Variants in SFMBT1 observed in about 807,000 individuals in gnomAD.
SFMBT1 encodes the protein Scm like with four mbt domains 1, also known as scm-like with four MBT domains protein 1.
Under a neutral mutation model 108.7 loss-of-function variants are expected in SFMBT1, and 32 were observed. The ratio of observed to expected loss-of-function variants is 0.29; its 90% CI spans 0.22 to 0.40. The LOEUF (loss-of-function observed/expected upper bound fraction) is 0.40, where lower values mean the gene tolerates loss of function less well. Among genes scored for constraint, SFMBT1 ranks in the 10% least tolerant of loss-of-function variants. The pLI is 1.00. For synonymous variants in SFMBT1, 348 were observed against 369.5 expected, an observed-to-expected ratio of 0.94 and a Z score of 0.67; for missense variants, 816 against 1,059.6, an observed-to-expected ratio of 0.77 and a Z score of 3.19.
intron 1 of SFMBT1, among the ~76,000 whole-genome samples, chr3:52,982,149 G>A (rs547350593): frequency 3.3e-5 from 5 of 152,132 alleles, no homozygotes; most frequent in African/African-American, 7.2e-5. Context: ...GAGCTCATAA[G>A]GGCCTTTAAG....
At chr3:53,043,735 T>C (rs979221310) in intron 1 of SFMBT1, among the ~76,000 whole-genome samples, 1 of 152,222 alleles carries the variant, frequency 6.6e-6, no homozygotes, top group Non-Finnish European at 1.5e-5. Flanking sequence ...TTCTAAGAAG[T>C]TCCTCAGGAC....
intron 1 of SFMBT1, among the ~76,000 whole-genome samples, chr3:53,027,412 C>A (rs1018513586): frequency 5.9e-5 from 9 of 152,298 alleles, no homozygotes; most frequent in Admixed American, 5.2e-4. Context: ...GGAACTTACT[C>A]AATTTTGCAT....
intron 1 of SFMBT1, among the ~76,000 whole-genome samples, chr3:53,016,880 C>A (rs1275170227): frequency 2.0e-5 from 3 of 152,146 alleles, no homozygotes; most frequent in African/African-American, 7.2e-5. Flanking sequence ...AAGATCTTCG[C>A]TTATTGTTTT....
chr3:53,014,621 C>G (rs1392200682), intron 1 of SFMBT1, among the ~76,000 whole-genome samples: 2 of 152,232 alleles, frequency 1.3e-5, no homozygotes, highest in African/African-American at 4.8e-5. Context: ...TGGAGACCAA[C>G]AGTAGTACAT....
At chr3:53,004,208 TCCTTCCTCCCTCCCTCCCTC>T (rs1290356684) in intron 1 of SFMBT1, among the ~76,000 whole-genome samples, 1 of 147,444 alleles carries the variant, frequency 6.8e-6, no homozygotes, top group Non-Finnish European at 1.5e-5. Context: ...CTTCTTCCCT[TCCTTCCTCCCTCCCTCCCTC>T]CCTTCCTCCT....
intron 1 of SFMBT1, among the ~76,000 whole-genome samples, chr3:53,000,595 C>T (rs866767572): frequency 6.7e-6 from 1 of 149,404 alleles, no homozygotes; most frequent in Non-Finnish European, 1.5e-5. Context: ...TACATATATA[C>T]ACATATATAA....
chr3:52,964,250 C>G (rs1704057915), intron 2 of SFMBT1, among the ~76,000 whole-genome samples: 1 of 152,210 alleles, frequency 6.6e-6, no homozygotes, highest in Admixed American at 6.5e-5. Context: ...TGGCTCACAC[C>G]TGTAAATCCC....
intron 3 of SFMBT1, among the ~76,000 whole-genome samples, chr3:52,945,338 T>C (rs1373886250): frequency 6.6e-6 from 1 of 151,128 alleles, no homozygotes; most frequent in Non-Finnish European, 1.5e-5. Flanking sequence ...AGCAATAAAA[T>C]AAATAGTGAG....
intron 1 of SFMBT1, among the ~76,000 whole-genome samples, chr3:53,007,412 C>T (rs1404681963): frequency 2.0e-5 from 3 of 152,168 alleles, no homozygotes; most frequent in Admixed American, 2.0e-4. Context: ...TTTCAAATAT[C>T]TTCTATTTCT....
intron 13 of SFMBT1, 115 bp from the exon 14 acceptor site, chr3:52,916,329 G>C: frequency 4.7e-6 from 3 of 643,414 alleles, no homozygotes; most frequent in South Asian, 3.8e-5. Flanking sequence ...CGCAAAATCT[G>C]TAACAGAAGG....
chr3:52,936,888 CA>C (rs1703024292), intron 4 of SFMBT1, among the ~76,000 whole-genome samples: 1 of 124,074 alleles, frequency 8.1e-6, no homozygotes, highest in Admixed American at 1.1e-4. Context: ...CTCAATTACA[CA>C]TTTCTTTTTT....
At chr3:53,021,964 A>G (rs1699318509) in intron 1 of SFMBT1, among the ~76,000 whole-genome samples, 1 of 152,204 alleles carries the variant, frequency 6.6e-6, no homozygotes, top group African/African-American at 2.4e-5. Flanking sequence ...CTAAATGCAA[A>G]AAGAGCAGAG....
intron 1 of SFMBT1, among the ~76,000 whole-genome samples, chr3:53,028,078 G>T (rs546922423): frequency 6.6e-6 from 1 of 152,088 alleles, no homozygotes; most frequent in Non-Finnish European, 1.5e-5. Context: ...TGACGTCTAC[G>T]GTTGTTTCTT....
chr3:52,905,921 TCTC>T (rs1166848592), intron 20 of SFMBT1, among the ~76,000 whole-genome samples, 189 bp downstream of exon 20: 2 of 152,190 alleles, frequency 1.3e-5, no homozygotes, highest in Non-Finnish European at 2.9e-5. Context: ...GCAATGATAA[TCTC>T]CTTCAACTAT....
At position 52,913,582 on chromosome 3, in the gene SFMBT1, A is replaced by G. The variant is rs764757789; in HGVS notation, c.1516T>C (p.Tyr506His). 13 of 1,614,038 alleles carry G rather than the reference A, an allele frequency of 8.1e-6. No homozygotes were observed. Among genetic ancestry groups the G allele is most frequent in the East Asian group, 2.2e-5 (1 of 44,898 alleles). ...INGKYCCPKI[Y>H]FNHRCFSGPY... Reference sequence around the variant, plus strand: ...CCTGAGAAGCAACGGTGGTTGAAGTATATCTTTGGACAGCAATATTTTCCA... The same window carrying G: ...CCTGAGAAGCAACGGTGGTTGAAGTGTATCTTTGGACAGCAATATTTTCCA... The change falls in exon 15 of 21, where the codon TAC becomes CAC. Residue 506 changes from tyrosine to histidine, a missense_variant. Transcript: ENST00000394752.
rs368482884 is a variant in SFMBT1 at position 52,907,093 on chromosome 3, A to G, written c.2307T>C (p.Asp769=). The change falls in exon 19 of 21, where the codon GAT becomes GAC. Residue 769 remains aspartate (D), a synonymous_variant. Coordinates refer to ENST00000394752, the MANE Select transcript of SFMBT1 (RefSeq NM_016329.4). ...RELRTFSFSD[D]ENKPPSPKEI... is the part of the protein sequence containing the mutation. ...CCTTTGGTGAAGGAGGTTTATTTTC[A>G]TCGTCAGAAAATGAAAAGGTGCGAA... 1 of 1,612,752 alleles carries G rather than the reference A, an allele frequency of 6.2e-7. No homozygotes were observed. Among genetic ancestry groups the G allele is most frequent in the African/African-American group, 1.3e-5 (1 of 74,794 alleles).
chr3:52,975,287 G>A (rs752753521), intron 1 of SFMBT1, among the ~76,000 whole-genome samples: 5 of 152,194 alleles, frequency 3.3e-5, no homozygotes, highest in Non-Finnish European at 5.9e-5. Flanking sequence ...ATTGGAAATT[G>A]TGTTAGAGAA....
At chr3:52,935,650 ACAT>A (rs1166787813) in intron 4 of SFMBT1, among the ~76,000 whole-genome samples, 1 of 152,158 alleles carries the variant, frequency 6.6e-6, no homozygotes, top group East Asian at 1.9e-4. Context: ...CACAATAACA[ACAT>A]CATACCTTTA....
rs530767830 is a variant in SFMBT1, at chr3:52,913,688, A to G, written c.1481-71T>C. On this transcript the variant is annotated intron_variant, in intron 14 of 20. Transcript: ENST00000394752. ...CCCACGTTTCCAAAGCTGAACTGCC[A>G]GGGAAGAAAAACGAAGCACATGTAC... 47 of 1,546,338 alleles carry G rather than the reference A, an allele frequency of 3.0e-5. No individual in the cohort carries two copies. In the South Asian group the frequency reaches 5.7e-4, roughly 19 times the overall value.
Sources: allele counts gnomAD v4.1 joint callset (sites outside exome capture counted in the v4.1 genomes callset), GRCh38; gene constraint gnomAD v4.1.1; transcripts MANE v1.5; gene names NCBI Gene and HGNC (gene_info 2026-07-23, HGNC 2026-07-21).